The following GNPAT variants were observed in gnomAD, a reference collection of about 807,000 sequenced individuals.
The protein encoded by GNPAT is dihydroxyacetone phosphate acyltransferase.
In GNPAT, 30 loss-of-function variants were observed where a neutral mutation model predicts 78.4. The ratio of observed to expected loss-of-function variants is 0.38; its 90% CI spans 0.29 to 0.52. The LOEUF (loss-of-function observed/expected upper bound fraction) is 0.52, where lower values mean the gene tolerates loss of function less well. Among genes scored for constraint, GNPAT ranks in the 20% least tolerant of loss-of-function variants. The pLI, the probability that GNPAT is intolerant of heterozygous loss-of-function variation, is 0.84. For synonymous variants in GNPAT, 271 were observed against 281.1 expected, an observed-to-expected ratio of 0.96 and a Z score of 0.36; for missense variants, 714 against 812.2, an observed-to-expected ratio of 0.88 and a Z score of 1.47.
rs377383816 is a variant in GNPAT, at chr1:231,266,472, A to G, written c.1055+65A>G. On this transcript the variant is annotated intron_variant, in intron 8 of 15. Transcript: ENST00000366647. ...TTAAAATCCAAAGGTGTGAGTTGCA[A>G]TGCTGGAGTTGACCACTTCTCTTGA... 1.2e-4 allele frequency: 152 copies of G among 1,313,582 alleles called. No individual in the cohort carries two copies. The African/African-American group carries it at 1.7e-3, about 15-fold the overall frequency. 81.4% of individuals were successfully genotyped at this position (1,313,582 alleles called of 1,614,324 possible). A position where few individuals can be genotyped will look rare whatever the true frequency, so the allele number is the denominator to read the frequency against.
intron 1 of GNPAT, 63 bp downstream of exon 1, chr1:231,241,519 G>A: frequency 1.7e-6 from 2 of 1,195,054 alleles, no homozygotes; most frequent in Admixed American, 1.7e-5. Flanking sequence ...CTTTCTCCCA[G>A]TCCCTATTCC....
intron 2 of GNPAT, among the ~76,000 whole-genome samples, chr1:231,253,041 T>C (rs1684944326): frequency 6.6e-6 from 1 of 152,202 alleles, no homozygotes; most frequent in African/African-American, 2.4e-5. Context: ...CGATCTCGGC[T>C]CACTGCAAGC....
chr1:231,272,974 C>CA (rs1045838696), intron 11 of GNPAT, among the ~76,000 whole-genome samples: 16 of 150,720 alleles, frequency 1.1e-4, no homozygotes, highest in Non-Finnish European at 1.8e-4. Context: ...GACTCCATCT[C>CA]AAAAAAAAAG....
chr1:231,257,024 T>G (rs983672828), intron 2 of GNPAT, among the ~76,000 whole-genome samples: 1 of 152,216 alleles, frequency 6.6e-6, no homozygotes, highest in Non-Finnish European at 1.5e-5. Flanking sequence ...GCTCATCTGT[T>G]AAGTCTTATA....
chr1:231,261,626 A>C (rs533209156), intron 3 of GNPAT, among the ~76,000 whole-genome samples: 1 of 152,250 alleles, frequency 6.6e-6, no homozygotes, highest in South Asian at 2.1e-4. Flanking sequence ...AGACTCTTTG[A>C]AAATGGCTAA....
At chr1:231,266,754 C>T (rs1232396005) in intron 8 of GNPAT, among the ~76,000 whole-genome samples, 1 of 152,166 alleles carries the variant, frequency 6.6e-6, no homozygotes, top group Non-Finnish European at 1.5e-5. Flanking sequence ...AAAGTATGTA[C>T]TATTATTTTT....
Position 231,265,643 on chromosome 1 carries a change from T to G in GNPAT, c.697-69T>G, listed in dbSNP as rs1259390822. ...TTGGGAGGGAGCTTGGGAAAAGGAA[T>G]CAAAAGAAGCATTTATCATTTTGAG... On this transcript the variant is annotated intron_variant, in intron 5 of 15. Transcript: ENST00000366647. The G allele has an allele frequency of 2.1e-5, 21 of 1,010,968 alleles. No individual in the cohort carries two copies. The Admixed American group carries it at 3.6e-4, about 17-fold the overall frequency. The allele number at this position is 1,010,968 out of a possible 1,614,324, so 62.6% of individuals were successfully genotyped here.
chr1:231,254,959 A>G (rs189396776), intron 2 of GNPAT, among the ~76,000 whole-genome samples: 2 of 151,470 alleles, frequency 1.3e-5, no homozygotes, highest in Non-Finnish European at 2.9e-5. Flanking sequence ...CACCATGGTG[A>G]CCAGGCTGGT....
intron 1 of GNPAT, among the ~76,000 whole-genome samples, chr1:231,244,167 C>G (rs978141729): frequency 6.6e-6 from 1 of 152,116 alleles, no homozygotes; most frequent in Non-Finnish European, 1.5e-5. Flanking sequence ...CCTTGGCCTT[C>G]CAAAGTACAT....
chr1:231,256,208 A>G (rs1008891345), intron 2 of GNPAT, among the ~76,000 whole-genome samples: 8 of 152,140 alleles, frequency 5.3e-5, no homozygotes, highest in Admixed American at 6.5e-5. Context: ...AGTTTCATGT[A>G]TCTGTTTTTA....
In GNPAT at chr1:231,277,614, G is replaced by A. The variant is rs1685754421; in HGVS notation, c.*72G>A. 1 of 870,924 alleles carries A rather than the reference G, an allele frequency of 1.1e-6. No individual in the cohort carries two copies. Among genetic ancestry groups the A allele is most frequent in the African/African-American group, 1.6e-5 (1 of 60,706 alleles). 53.9% of individuals were successfully genotyped at this position (870,924 alleles called of 1,614,324 possible). A position where few individuals can be genotyped will look rare whatever the true frequency, so the allele number is the denominator to read the frequency against. On this transcript the variant is annotated 3_prime_UTR_variant, in exon 16 of 16. Coordinates refer to ENST00000366647, the MANE Select transcript of GNPAT (RefSeq NM_014236.4). ...TCGAAGGACTCATTACAACAAACAG[G>A]GAAGTAAAGGAAGAGACACATCCTC...
rs143515658 is a variant in GNPAT, at chr1:231,252,478, C to T, written c.261+1335C>T. ...CCCTCCACGTCATATCACCCAGGTG[C>T]TTGTATGGTCATAGGCCCACAGGTG... On this transcript the variant is annotated intron_variant, in intron 2 of 15. Coordinates refer to ENST00000366647, the MANE Select transcript of GNPAT (RefSeq NM_014236.4). Among the ~76,000 whole-genome samples the T allele has an allele frequency of 3.2e-4, 48 of 152,262 alleles. No individual in the cohort carries two copies. The East Asian group carries it at 8.5e-3, about 27-fold the overall frequency.
chr1:231,254,668 T>A (rs1684996140), intron 2 of GNPAT, among the ~76,000 whole-genome samples: 1 of 151,902 alleles, frequency 6.6e-6, no homozygotes, highest in African/African-American at 2.4e-5. Context: ...CAGGATGGTC[T>A]TGATCTCCTG....
intron 3 of GNPAT, among the ~76,000 whole-genome samples, chr1:231,261,833 C>T (rs943696528): frequency 7.9e-5 from 12 of 152,096 alleles, no homozygotes; most frequent in African/African-American, 2.7e-4. Flanking sequence ...CTTCACTTGC[C>T]TTCCTCCTCA....
chr1:231,256,329 A>G (rs1489497079), intron 2 of GNPAT, among the ~76,000 whole-genome samples: 2 of 151,420 alleles, frequency 1.3e-5, no homozygotes, highest in South Asian at 2.1e-4. Context: ...TGTCTAAGAT[A>G]TATTACCTCC....
At chr1:231,261,433 G>A (rs956992676) in intron 3 of GNPAT, among the ~76,000 whole-genome samples, 3 of 151,382 alleles carry the variant, frequency 2.0e-5, no homozygotes, top group Non-Finnish European at 4.4e-5. Context: ...GTGTACCTTT[G>A]CTAGGAACAC....
intron 8 of GNPAT, 24 bp downstream of exon 8, chr1:231,266,431 G>A (rs1685391749): frequency 1.2e-6 from 2 of 1,604,806 alleles, no homozygotes; most frequent in Admixed American, 1.7e-5. Context: ...TTTAATAACT[G>A]TCTTAGAAAT....
chr1:231,270,898 A>T lies in GNPAT; in HGVS notation c.1420A>T (p.Thr474Ser). 1 of 1,613,944 alleles carries T rather than the reference A, an allele frequency of 6.2e-7. No individual in the cohort carries two copies. The highest frequency in any genetic ancestry group is 1.3e-5 in the African/African-American group (1 of 74,970). ...CGATGGGCTTATGCTCCAGCACATC[A>T]CTCTCCTCATGTGCTCAGCTTATAG... ...VVDGLMLQHI[T>S]LLMCSAYRNQ... is the part of the protein sequence containing the mutation. Residue 474 changes from threonine (T) to serine (S), a missense_variant, in exon 10 of 16, where the codon ACT (threonine) becomes TCT (serine). By Grantham distance (58) the Thr-to-Ser change is moderately conservative. Transcript: ENST00000366647.
chr1:231,266,236 C>T (rs1431251405), intron 7 of GNPAT, 41 bp from the exon 8 acceptor site: 1 of 1,613,730 alleles, frequency 6.2e-7, no homozygotes, highest in Non-Finnish European at 8.5e-7. Context: ...TCTAAATTTA[C>T]TGCTTTTCGT....
Sources: gnomAD v4.1 joint callset for allele counts (sites outside exome capture counted in the v4.1 genomes callset) on GRCh38, gnomAD v4.1.1 for gene constraint, MANE v1.5 for transcripts, NCBI Gene and HGNC (gene_info 2026-07-23, HGNC 2026-07-21) for gene names.